RCSD1: variants seen among roughly 807,000 people sequenced by gnomAD.
RCSD1 encodes RCSD domain containing 1, also known as capZ-interacting protein.
Under a neutral mutation model 42.5 loss-of-function variants are expected in RCSD1, and 26 were observed. The observed-to-expected ratio is 0.61, with a 90% confidence interval of 0.45 to 0.85. The LOEUF (loss-of-function observed/expected upper bound fraction) is 0.85. RCSD1 is among the 40% of genes least tolerant of loss of function. The pLI, the probability that RCSD1 is intolerant of heterozygous loss-of-function variation, is 0.00. For missense variants in RCSD1, 571 were observed against 528.3 expected, an observed-to-expected ratio of 1.08 and a Z score of -0.79; for synonymous variants, 220 against 212.2, an observed-to-expected ratio of 1.04 and a Z score of -0.32.
At chr1:167,640,649 T>G (rs1465535105) in intron 1 of RCSD1, 1 of 152,350 alleles carries the variant, frequency 6.6e-6, no homozygotes, top group African/African-American at 2.4e-5. Context: ...TTCCAGGGCT[T>G]AAGTGATCCT....
At chr1:167,667,719 C>A (rs1359485082) in intron 1 of RCSD1, among the ~76,000 whole-genome samples, 1 of 152,170 alleles carries the variant, frequency 6.6e-6, no homozygotes, top group Non-Finnish European at 1.5e-5. Flanking sequence ...GTCACTGAAC[C>A]TTAATGAAAA....
At chr1:167,682,125 C>T (rs995337718) in intron 1 of RCSD1, among the ~76,000 whole-genome samples, 3 of 151,670 alleles carry the variant, frequency 2.0e-5, no homozygotes, top group Admixed American at 6.6e-5. Flanking sequence ...GTTCGCAGAT[C>T]GGAAAGTCCA....
intron 1 of RCSD1, among the ~76,000 whole-genome samples, chr1:167,672,062 A>G (rs373648290): frequency 7.2e-5 from 11 of 151,892 alleles, no homozygotes; most frequent in African/African-American, 2.7e-4. Flanking sequence ...CCCACAACTC[A>G]ATGTCAACTC....
At chr1:167,665,215 C>T (rs1284570748) in intron 1 of RCSD1, among the ~76,000 whole-genome samples, 1 of 152,114 alleles carries the variant, frequency 6.6e-6, no homozygotes, top group African/African-American at 2.4e-5. Flanking sequence ...TAGAACCATA[C>T]GGGAAGTCAT....
At chr1:167,653,210 T>TTTGGGTTGGTATTTTC (rs1282203306) in intron 1 of RCSD1, among the ~76,000 whole-genome samples, 5 of 152,240 alleles carry the variant, frequency 3.3e-5, no homozygotes, top group Non-Finnish European at 7.3e-5. Context: ...AAACTATAAC[T>TTTGGGTTGGTATTTTC]TTGGGTTGGT....
chr1:167,648,068 A>G (rs1023555686), intron 1 of RCSD1, among the ~76,000 whole-genome samples: 2 of 152,202 alleles, frequency 1.3e-5, no homozygotes, highest in African/African-American at 2.4e-5. Flanking sequence ...TAATTCTTAC[A>G]TAATTTTAAT....
chr1:167,655,714 C>G (rs898403055), intron 1 of RCSD1, among the ~76,000 whole-genome samples: 1 of 152,184 alleles, frequency 6.6e-6, no homozygotes, highest in African/African-American at 2.4e-5. Flanking sequence ...TCCAACAATA[C>G]TCTGTGGTTG....
chr1:167,676,936 C>T (rs1451323824), intron 1 of RCSD1, among the ~76,000 whole-genome samples: 1 of 152,238 alleles, frequency 6.6e-6, no homozygotes, highest in East Asian at 1.9e-4. Context: ...CTCCCAGGCT[C>T]AATGCCTGCG....
chr1:167,681,666 C>T (rs7553217), intron 1 of RCSD1, among the ~76,000 whole-genome samples: 3,825 of 152,240 alleles, frequency 0.025, 173 homozygotes, highest in African/African-American at 0.088. Context: ...CAGTGATTGG[C>T]GCCTTTGAAA....
At chr1:167,683,433 C>G (rs1659132882) in intron 1 of RCSD1, among the ~76,000 whole-genome samples, 1 of 152,180 alleles carries the variant, frequency 6.6e-6, no homozygotes, top group South Asian at 2.1e-4. Context: ...CTTATTAATT[C>G]CACAAATATT....
At chr1:167,659,932 C>G in intron 1 of RCSD1, among the ~76,000 whole-genome samples, 1 of 152,242 alleles carries the variant, frequency 6.6e-6, no homozygotes, top group East Asian at 1.9e-4. Context: ...GGACATTGAA[C>G]GCTCTCTCCA....
At chr1:167,695,707 A>G (rs1659483946) in intron 5 of RCSD1, among the ~76,000 whole-genome samples, 1 of 151,662 alleles carries the variant, frequency 6.6e-6, no homozygotes, top group Admixed American at 6.6e-5. Flanking sequence ...TTTTGTAGAG[A>G]CAGGGTTTTG....
At chr1:167,679,364 G>T (rs1659025676) in intron 1 of RCSD1, among the ~76,000 whole-genome samples, 1 of 152,214 alleles carries the variant, frequency 6.6e-6, no homozygotes, top group Non-Finnish European at 1.5e-5. Flanking sequence ...GGACCTACCT[G>T]GTTCCCAGTC....
At chr1:167,689,644 G>T (rs1005796070) in intron 3 of RCSD1, among the ~76,000 whole-genome samples, 1 of 152,124 alleles carries the variant, frequency 6.6e-6, no homozygotes, top group Non-Finnish European at 1.5e-5. Context: ...CTGGTTTCTT[G>T]TTGTGTGTGT....
chr1:167,659,841 C>G (rs756844411), intron 1 of RCSD1, among the ~76,000 whole-genome samples: 6 of 152,120 alleles, frequency 3.9e-5, no homozygotes, highest in Non-Finnish European at 7.3e-5. Context: ...TGTCCCTGAA[C>G]TCGCCATGCC....
intron 1 of RCSD1, among the ~76,000 whole-genome samples, chr1:167,632,575 C>T (rs929317931): frequency 2.2e-4 from 34 of 152,032 alleles, no homozygotes; most frequent in Admixed American, 2.0e-4. Flanking sequence ...TGTGTAGTAA[C>T]TTATGCAGGA....
At chr1:167,670,226 G>A (rs964295435) in intron 1 of RCSD1, among the ~76,000 whole-genome samples, 4 of 151,594 alleles carry the variant, frequency 2.6e-5, no homozygotes, top group African/African-American at 9.7e-5. Flanking sequence ...TGCATAACAG[G>A]GAGATTCTGA....
Position 167,647,788 on chromosome 1 carries a change from T to C in RCSD1, c.6+17359T>C, listed in dbSNP as rs144248666. Among the ~76,000 whole-genome samples the C allele has an allele frequency of 2.1e-3, 321 of 152,286 alleles. 1 individual carries two copies. The highest frequency in any genetic ancestry group is 0.02 in the Middle Eastern group (6 of 294). ...GACCACAACCAATAAAAATTCTTTCTAGAAAACCCTAGGACTGTTCAGGAC... is the reference window on the plus strand; with the variant it reads ...GACCACAACCAATAAAAATTCTTTCCAGAAAACCCTAGGACTGTTCAGGAC... On this transcript the variant is annotated intron_variant, in intron 1 of 6. Coordinates refer to ENST00000367854, the MANE Select transcript of RCSD1 (RefSeq NM_052862.4).
chr1:167,632,439 T>TC (rs1657726421), intron 1 of RCSD1, among the ~76,000 whole-genome samples: 1 of 151,904 alleles, frequency 6.6e-6, no homozygotes, highest in African/African-American at 2.4e-5. Flanking sequence ...AGGCAGTTTC[T>TC]CCCCCCTCAG....
Sources: gnomAD v4.1 joint callset for allele counts (sites outside exome capture counted in the v4.1 genomes callset) on GRCh38, gnomAD v4.1.1 for gene constraint, MANE v1.5 for transcripts, NCBI Gene and HGNC (gene_info 2026-07-23, HGNC 2026-07-21) for gene names.